MPO: variants seen among roughly 807,000 people sequenced by gnomAD.
MPO encodes myeloperoxidase.
A neutral mutation model predicts 69.4 loss-of-function variants in MPO; 57 were observed. The ratio of observed to expected loss-of-function variants is 0.82; its 90% confidence interval spans 0.66 to 1.02. The LOEUF is 1.02. MPO is among the 50% of genes least tolerant of loss of function. The probability of loss-of-function intolerance (pLI) is 0.00; values close to 1 mark genes in which losing one functional copy is unlikely to be tolerated. For synonymous variants in MPO, 426 were observed against 417.1 expected, an observed-to-expected ratio of 1.02 and a Z score of -0.26; for missense variants, 971 against 1,014.1, an observed-to-expected ratio of 0.96 and a Z score of 0.58.
chr17:58,279,176 A>G lies in MPO; in HGVS notation c.717T>C (p.Thr239=), dbSNP rs1970478670. The G allele has an allele frequency of 6.2e-7, 1 of 1,611,136 alleles. No homozygotes were observed. Among genetic ancestry groups the G allele is most frequent in the Non-Finnish European group, 8.5e-7 (1 of 1,178,814 alleles). Residue 239 remains threonine (T), a synonymous_variant, in exon 6 of 12, where the codon ACT becomes ACC. Transcript: ENST00000225275. Reference sequence around the variant, plus strand: ...GCTCCTGGTCCGGAGTCAGCTGATCAGTGGGGAAGCGCACGATCTCGTTGG... The same window carrying G: ...GCTCCTGGTCCGGAGTCAGCTGATCGGTGGGGAAGCGCACGATCTCGTTGG... The part of the protein sequence containing the change: ...AVSNEIVRFP[T]DQLTPDQERS...
chr17:58,277,736 A>G, intron 7 of MPO, 91 bp downstream of exon 7: 3 of 1,563,534 alleles, frequency 1.9e-6, no homozygotes, highest in Non-Finnish European at 2.6e-6. Context: ...CTCTCTAAGT[A>G]CAAACCCACA....
At chr17:58,274,494 G>A (rs1199509634) in intron 8 of MPO, among the ~76,000 whole-genome samples, 1 of 152,056 alleles carries the variant, frequency 6.6e-6, no homozygotes, top group Non-Finnish European at 1.5e-5. Flanking sequence ...TGAGGCTAAG[G>A]ACATTGGGTG....
intron 7 of MPO, among the ~76,000 whole-genome samples, chr17:58,276,239 T>C (rs1221492504): frequency 6.6e-6 from 1 of 152,196 alleles, no homozygotes; most frequent in African/African-American, 2.4e-5. Flanking sequence ...CCTGCTAAAA[T>C]TGGATGCAAC....
At chr17:58,276,229 C>T (rs970213630) in intron 7 of MPO, among the ~76,000 whole-genome samples, 2 of 152,224 alleles carry the variant, frequency 1.3e-5, no homozygotes, top group Admixed American at 6.5e-5. Context: ...AGCACTCTTT[C>T]CTGCTAAAAT....
rs1170768560 is a variant in MPO at position 58,273,500 on chromosome 17, A to G, written c.1535T>C (p.Leu512Pro). 4 of 1,614,092 alleles carry G rather than the reference A, an allele frequency of 2.5e-6. No homozygotes were observed. Among genetic ancestry groups the G allele is most frequent in the Middle Eastern group, 1.6e-4 (1 of 6,084 alleles). ...TTCCATGGGCTGGTACCGATTGTCC[A>G]GGCGGAACATGAAGGGTTGGATGAG... ...HTLIQPFMFRLDNRYQPMEPN... is the reference protein window; with the variant it reads ...HTLIQPFMFRPDNRYQPMEPN... Residue 512 changes from leucine to proline, a missense_variant, in exon 9 of 12, where the codon CTG (leucine) becomes CCG (proline). Transcript: ENST00000225275.
rs370079942 is a variant in MPO, at chr17:58,275,514, C to T, written c.1365+28G>A. On this transcript the variant is annotated intron_variant, in intron 8 of 11. Coordinates refer to ENST00000225275, the MANE Select transcript of MPO (RefSeq NM_000250.2). The surrounding 1 kb of genome is among the most constrained non-coding windows in gnomAD (Gnocchi z 4.1). Reference sequence around the variant, plus strand: ...ATGTTGCAGGGACACATCTGGATCCCGTGTGCCCGGTGTTCAAGACGGCCT... The same window carrying T: ...ATGTTGCAGGGACACATCTGGATCCTGTGTGCCCGGTGTTCAAGACGGCCT... The T allele has an allele frequency of 2.0e-5, 33 of 1,613,996 alleles. No homozygotes were observed. The highest frequency in any genetic ancestry group is 1.7e-4 in the Middle Eastern group (1 of 6,026).
chr17:58,276,703 G>A (rs1236046684), intron 7 of MPO, among the ~76,000 whole-genome samples: 2 of 152,166 alleles, frequency 1.3e-5, no homozygotes. Context: ...GTCCGACCTG[G>A]ATCCTCCTCC....
At chr17:58,279,236 TG>T in intron 5 of MPO, 22 bp from the exon 6 acceptor site, 1 of 1,584,270 alleles carries the variant, frequency 6.3e-7, no homozygotes, top group South Asian at 1.1e-5. Flanking sequence ...GGAGATCAGC[TG>T]GCGCCTGGGT....
intron 2 of MPO, 46 bp downstream of exon 2, chr17:58,280,320 G>C (rs1178244152): frequency 3.8e-6 from 6 of 1,588,922 alleles, no homozygotes; most frequent in Non-Finnish European, 5.2e-6. Flanking sequence ...TCTCTGAAAG[G>C]CCTGGGACAT....
At chr17:58,280,317 AAGGCCTGGGACATCCTT>A in intron 2 of MPO, 32 bp downstream of exon 2, 1 of 1,589,378 alleles carries the variant, frequency 6.3e-7, no homozygotes, top group Non-Finnish European at 8.6e-7. Context: ...GCTTCTCTGA[AAGGCCTGGGACATCCTT>A]GCCCAGAGCT....
Position 58,280,776 on chromosome 17 carries a change from G to C in MPO, c.-18C>G. On this transcript the variant is annotated 5_prime_UTR_variant, in exon 1 of 12. Coordinates refer to ENST00000225275, the MANE Select transcript of MPO (RefSeq NM_000250.2). Reference sequence around the variant, plus strand: ...ACCCCCATCTCTCTTCTCCTGGGCTGCTCAATCCCCCTTTGTACCTCAGCC... The same window carrying C: ...ACCCCCATCTCTCTTCTCCTGGGCTCCTCAATCCCCCTTTGTACCTCAGCC... 6.2e-7 allele frequency: 1 copy of C among 1,613,878 alleles called. No individual in the cohort carries two copies.
At chr17:58,280,135 C>A in intron 2 of MPO, 121 bp from the exon 3 acceptor site, 2 of 1,345,288 alleles carry the variant, frequency 1.5e-6, no homozygotes, top group Non-Finnish European at 2.1e-6. Context: ...AGGAAGGCTT[C>A]CTTTTATAAA....
chr17:58,273,042 C>A lies in MPO; in HGVS notation c.1622-124G>T. On this transcript the variant is annotated intron_variant, in intron 9 of 11. Transcript: ENST00000225275. ...AGAAGAGGGCTGGGCACAAGCAGTGCCTGGTGCCAAGGTGGTGGCCCCAGT... is the reference window on the plus strand; with the variant it reads ...AGAAGAGGGCTGGGCACAAGCAGTGACTGGTGCCAAGGTGGTGGCCCCAGT... 2.4e-6 allele frequency: 3 copies of A among 1,249,044 alleles called. No individual in the cohort carries two copies. In the South Asian group the frequency reaches 4.0e-5, roughly 17 times the overall value. The allele number at this position is 1,249,044 out of a possible 1,614,324, so 77.4% of individuals were successfully genotyped here.
Position 58,271,696 on chromosome 17 carries a change from G to A in MPO, c.1989C>T (p.Cys663=), listed in dbSNP as rs1355898933. Residue 663 remains cysteine (C), a synonymous_variant, in exon 11 of 12, where the codon TGC becomes TGT. Coordinates refer to ENST00000225275, the MANE Select transcript of MPO (RefSeq NM_000250.2). ...GCTTCCTGAACTGGGTACCGATGAT[G>A]CAGGCGAGGAGTGGGCCCACGCGGC... ...RKGRVGPLLA[C]IIGTQFRKLR... is the part of the protein sequence containing the mutation. 2 of 1,613,842 alleles carry A rather than the reference G, an allele frequency of 1.2e-6. No homozygotes were observed. The highest frequency in any genetic ancestry group is 1.7e-6 in the Non-Finnish European group (2 of 1,180,046).
In MPO at chr17:58,280,452, C is replaced by T. The variant is rs143335439; in HGVS notation, c.162G>A (p.Leu54=). ...QPSEGAAPAV[L]GEVDTSLVLS... is the part of the protein sequence containing the mutation. ...GCACCAACGAGGTGTCCACCTCCCC[C>T]AGGACAGCTGCCCAGAGCAGGGATC... The change falls in exon 2 of 12, where the codon CTG becomes CTA. Residue 54 remains leucine (L), a synonymous_variant. Transcript: ENST00000225275. 1.9e-6 allele frequency: 3 copies of T among 1,613,958 alleles called. No individual in the cohort carries two copies. Among genetic ancestry groups the T allele is most frequent in the Non-Finnish European group, 8.5e-7 (1 of 1,179,986 alleles).
intron 7 of MPO, 180 bp downstream of exon 7, chr17:58,277,647 T>G: frequency 1.1e-6 from 1 of 906,790 alleles, no homozygotes; most frequent in Non-Finnish European, 1.7e-6. Context: ...CTTTTCTGCT[T>G]TTCTGGCTCC....
At position 58,279,555 on chromosome 17, in the gene MPO, T is replaced by C. The variant is rs151206443; in HGVS notation, c.516A>G (p.Lys172=). 9.3e-6 allele frequency: 15 copies of C among 1,614,020 alleles called. No individual in the cohort carries two copies. In the African/African-American group the frequency reaches 1.7e-4, roughly 19 times the overall value. Residue 172 remains lysine, a synonymous_variant, in exon 4 of 12, where the codon AAA becomes AAG. Coordinates refer to ENST00000225275, the MANE Select transcript of MPO (RefSeq NM_000250.2). The part of the protein sequence containing the change: ...DVGVTCPEQD[K]YRTITGMCNN... ...TGCACATCCCGGTGATGGTGCGGTATTTGTCCTGCTCCGGGCAAGTCACCC... is the reference window on the plus strand; with the variant it reads ...TGCACATCCCGGTGATGGTGCGGTACTTGTCCTGCTCCGGGCAAGTCACCC...
At chr17:58,274,174 G>C (rs780988315) in intron 8 of MPO, 2 of 500,900 alleles carry the variant, frequency 4.0e-6, no homozygotes, top group Admixed American at 4.1e-5. Flanking sequence ...AGGAAGGAAC[G>C]AAGGGCCATT....
Position 58,279,977 on chromosome 17 carries a change from T to G in MPO, c.286A>C (p.Met96Leu), listed in dbSNP as rs906727603. The G allele has an allele frequency of 2.5e-6, 4 of 1,613,292 alleles. No homozygotes were observed. The highest frequency in any genetic ancestry group is 3.3e-5 in the Admixed American group (2 of 59,990). ...TGCTTGAAGTAGGATAGGAGTTCCATGGGGCTGGCTGAGCCGCTGCGAAGC... is the reference window on the plus strand; with the variant it reads ...TGCTTGAAGTAGGATAGGAGTTCCAGGGGGCTGGCTGAGCCGCTGCGAAGC... The part of the protein sequence containing the change: ...QRLRSGSASP[M>L]ELLSYFKQPV... Residue 96 changes from methionine (M) to leucine (L), a missense_variant, in exon 3 of 12, where the codon ATG becomes CTG. Coordinates refer to ENST00000225275, the MANE Select transcript of MPO (RefSeq NM_000250.2).
Sources: gnomAD v4.1 joint callset for allele counts (sites outside exome capture counted in the v4.1 genomes callset) on GRCh38, gnomAD v4.1.1 for gene constraint, Gnocchi (gnomAD v3.1) non-coding constraint, MANE v1.5 for transcripts, NCBI Gene and HGNC (gene_info 2026-07-23, HGNC 2026-07-21) for gene names.